FGF12: variants seen among roughly 807,000 people sequenced by gnomAD.
The protein encoded by FGF12 is fibroblast growth factor 12B.
A neutral mutation model predicts 23.6 loss-of-function variants in FGF12; 14 were observed. The observed-to-expected ratio is 0.59, with a 90% CI of 0.39 to 0.93. The LOEUF (loss-of-function observed/expected upper bound fraction) is 0.93, where lower values mean the gene tolerates loss of function less well. Among genes scored for constraint, FGF12 ranks in the 40% least tolerant of loss-of-function variants. The pLI, the probability that FGF12 is intolerant of heterozygous loss-of-function variation, is 0.00. For synonymous variants in FGF12, 62 were observed against 77.3 expected (o/e 0.80, Z 1.04); for missense variants, 175 against 217.8 (o/e 0.80, Z 1.24).
chr3:192,381,265 A>G (rs1328465415), intron 2 of FGF12, among the ~76,000 whole-genome samples: 1 of 152,206 alleles, frequency 6.6e-6, no homozygotes, highest in Non-Finnish European at 1.5e-5. Flanking sequence ...CTTTGTTAAT[A>G]CTGATAACAA....
chr3:192,365,460 G>A (rs1718936263), intron 2 of FGF12, among the ~76,000 whole-genome samples: 1 of 151,950 alleles, frequency 6.6e-6, no homozygotes. Flanking sequence ...ATACTGTAAT[G>A]ATATAGATTC....
At chr3:192,225,003 C>T (rs1371617225) in intron 4 of FGF12, among the ~76,000 whole-genome samples, 1 of 152,086 alleles carries the variant, frequency 6.6e-6, no homozygotes, top group Non-Finnish European at 1.5e-5. Context: ...TTCTTACCAG[C>T]ACCTGCCTTG....
At chr3:192,146,769 C>G (rs1018788819) in intron 5 of FGF12, among the ~76,000 whole-genome samples, 1 of 152,126 alleles carries the variant, frequency 6.6e-6, no homozygotes, top group Admixed American at 6.5e-5. Flanking sequence ...ATTACTGCTG[C>G]AGATAACTTT....
chr3:192,648,184 A>G (rs1716083812), intron 2 of FGF12, among the ~76,000 whole-genome samples: 1 of 152,124 alleles, frequency 6.6e-6, no homozygotes, highest in Non-Finnish European at 1.5e-5. Context: ...TACTATTATT[A>G]TTGTTATTTT....
At chr3:192,321,040 CA>C (rs1716506780) in intron 4 of FGF12, among the ~76,000 whole-genome samples, 1 of 151,668 alleles carries the variant, frequency 6.6e-6, no homozygotes, top group Non-Finnish European at 1.5e-5. Context: ...AAAAGATAAA[CA>C]AAATCAACAC....
chr3:192,393,614 A>G (rs1377423187), intron 2 of FGF12, among the ~76,000 whole-genome samples: 1 of 152,206 alleles, frequency 6.6e-6, no homozygotes, highest in Non-Finnish European at 1.5e-5. Flanking sequence ...ACAGATAAAG[A>G]AAATGGGAAA....
chr3:192,270,970 T>C (rs1713400219), intron 4 of FGF12, among the ~76,000 whole-genome samples: 1 of 152,194 alleles, frequency 6.6e-6, no homozygotes, highest in Non-Finnish European at 1.5e-5. Flanking sequence ...TTCTTGCCCT[T>C]CTGAGTTTCT....
rs377116786 is a variant in FGF12, at chr3:192,191,221, G to A, written c.229-20565C>T. Among the ~76,000 whole-genome samples, 4 of 152,168 alleles carry A rather than the reference G, an allele frequency of 2.6e-5. No individual in the cohort carries two copies. The East Asian group carries it at 5.8e-4, about 22-fold the overall frequency. On this transcript the variant is annotated intron_variant, in intron 4 of 5. Coordinates refer to ENST00000445105, the MANE Select transcript of FGF12 (RefSeq NM_004113.6). Reference sequence around the variant, plus strand: ...ATCAGTGGTGGCCAGGGATCCCAGGGGAAAAGTCAGGTGAATCCATGAAAA... The same window carrying A: ...ATCAGTGGTGGCCAGGGATCCCAGGAGAAAAGTCAGGTGAATCCATGAAAA...
intron 2 of FGF12, among the ~76,000 whole-genome samples, chr3:192,637,219 C>T (rs961804637): frequency 6.6e-6 from 1 of 152,220 alleles, no homozygotes; most frequent in African/African-American, 2.4e-5. Context: ...TTCTATGGCC[C>T]TCTTCTCAGG....
chr3:192,542,028 ATT>A (rs35810428), intron 2 of FGF12, among the ~76,000 whole-genome samples: 32,115 of 137,550 alleles, frequency 0.23, 3,555 homozygotes, highest in Middle Eastern at 0.39. Flanking sequence ...CATGCCTGGC[ATT>A]TTTTTTTTTT....
At chr3:192,321,775 TG>T (rs1313252109) in intron 4 of FGF12, among the ~76,000 whole-genome samples, 7 of 152,138 alleles carry the variant, frequency 4.6e-5, no homozygotes, top group Admixed American at 2.0e-4. Context: ...CATCCTTTCA[TG>T]ATCAAAACCC....
intron 4 of FGF12, among the ~76,000 whole-genome samples, chr3:192,237,332 A>T (rs1198787707): frequency 6.6e-6 from 1 of 152,080 alleles, no homozygotes; most frequent in Admixed American, 6.6e-5. Context: ...CATCTTGTAT[A>T]GTATTTTGCA....
intron 5 of FGF12, among the ~76,000 whole-genome samples, chr3:192,146,272 ATT>A (rs10676941): frequency 4.5e-4 from 64 of 143,256 alleles, no homozygotes; most frequent in East Asian, 1.0e-3. Context: ...TAAAGTGTAT[ATT>A]TTTTTTTTTT....
chr3:192,330,723 CAACAAACAAACA>C (rs140219000), intron 4 of FGF12, among the ~76,000 whole-genome samples: 1 of 151,532 alleles, frequency 6.6e-6, no homozygotes, highest in Non-Finnish European at 1.5e-5. Context: ...AACAAAACAA[CAACAAACAAACA>C]AACAAACAAA....
At position 192,139,827 on chromosome 3, in the gene FGF12, A is replaced by T. The variant is rs1187221599; in HGVS notation, c.*4182T>A. 1 of 152,098 alleles carries T rather than the reference A, an allele frequency of 6.6e-6. No individual in the cohort carries two copies. Among genetic ancestry groups the T allele is most frequent in the Non-Finnish European group, 1.5e-5 (1 of 67,962 alleles). The allele number at this position is 152,098 out of a possible 1,614,324, so 9.4% of individuals were successfully genotyped here. ...ATTTTTAACTTGGGCTCCAGGAAAA[A>T]TCCTGAAAAAGAAAGATCAGCATCT... is the stretch of plus-strand genomic sequence containing the variant. On this transcript the variant is annotated 3_prime_UTR_variant, in exon 6 of 6. Transcript: ENST00000445105.
intron 2 of FGF12, among the ~76,000 whole-genome samples, chr3:192,550,288 C>T (rs915505402): frequency 1.0e-4 from 15 of 150,522 alleles, no homozygotes; most frequent in Admixed American, 4.7e-4. Context: ...TGTACACACA[C>T]GTATATATGT....
intron 5 of FGF12, among the ~76,000 whole-genome samples, chr3:192,147,838 TTA>T (rs66486036): frequency 0.45 from 68,420 of 151,826 alleles, 16,558 homozygotes; most frequent in Non-Finnish European, 0.55. Context: ...GTTTGAATTC[TTA>T]TGTCTGTATG....
intron 3 of FGF12, among the ~76,000 whole-genome samples, chr3:192,345,935 TATC>T (rs1232015088): frequency 6.6e-6 from 1 of 152,170 alleles, no homozygotes; most frequent in Non-Finnish European, 1.5e-5. Context: ...TGCACGTTGT[TATC>T]ATTAATACCT....
At chr3:192,673,279 A>G (rs1246020615) in intron 2 of FGF12, 1 of 151,066 alleles carries the variant, frequency 6.6e-6, no homozygotes, top group African/African-American at 2.4e-5. Context: ...TGCTGGCAAG[A>G]AAAACGTAAA....
Sources: allele counts gnomAD v4.1 joint callset (sites outside exome capture counted in the v4.1 genomes callset), GRCh38; gene constraint gnomAD v4.1.1; transcripts MANE v1.5; gene names NCBI Gene and HGNC (gene_info 2026-07-23, HGNC 2026-07-21).